The following SNCAIP variants were observed in gnomAD, a reference collection of about 807,000 sequenced individuals.
The protein encoded by SNCAIP is synphilin-1.
Under a neutral mutation model 86.7 loss-of-function variants are expected in SNCAIP, and 43 were observed. That is an observed-to-expected ratio of 0.50 (90% CI 0.39 to 0.64). The LOEUF is 0.64. Ranked by LOEUF, SNCAIP falls within the 30% of genes least tolerant of loss-of-function variation. SNCAIP has a pLI of 0.00. For missense variants in SNCAIP, 981 were observed against 1,103.1 expected (o/e 0.89, Z 1.57); for synonymous variants, 417 against 427.2 (o/e 0.98, Z 0.29).
chr5:122,384,958 A>C (rs1182277628), intron 1 of SNCAIP, among the ~76,000 whole-genome samples: 1 of 152,206 alleles, frequency 6.6e-6, no homozygotes, highest in African/African-American at 2.4e-5. Context: ...GTCTTTCTGG[A>C]CATTCTGTTC....
At chr5:122,356,310 G>T (rs919464993) in intron 1 of SNCAIP, among the ~76,000 whole-genome samples, 1 of 151,710 alleles carries the variant, frequency 6.6e-6, no homozygotes, top group African/African-American at 2.4e-5. Context: ...TAGTGACAAG[G>T]CCTCCCTACA....
At chr5:122,325,566 T>A (rs1753843097) in intron 1 of SNCAIP, among the ~76,000 whole-genome samples, 4 of 152,216 alleles carry the variant, frequency 2.6e-5, no homozygotes, top group Non-Finnish European at 5.9e-5. Flanking sequence ...ATGCCCTTTT[T>A]ACTAAACAAC....
intron 10 of SNCAIP, among the ~76,000 whole-genome samples, chr5:122,460,638 G>T (rs1425007697): frequency 1.3e-5 from 2 of 152,054 alleles, no homozygotes; most frequent in Non-Finnish European, 2.9e-5. Flanking sequence ...TCAGTATTCA[G>T]TGTTAATTAT....
chr5:122,332,246 C>G (rs1205755736), intron 1 of SNCAIP, among the ~76,000 whole-genome samples: 1 of 152,164 alleles, frequency 6.6e-6, no homozygotes, highest in Non-Finnish European at 1.5e-5. Context: ...CTTGCGTTTT[C>G]CCACTTAACA....
At chr5:122,377,629 G>C (rs1026544418) in intron 1 of SNCAIP, among the ~76,000 whole-genome samples, 3 of 151,636 alleles carry the variant, frequency 2.0e-5, no homozygotes, top group African/African-American at 4.8e-5. Context: ...ATGCTGGTGC[G>C]CTGCACCTAC....
intron 3 of SNCAIP, among the ~76,000 whole-genome samples, chr5:122,411,526 C>T (rs1774118243): frequency 6.6e-6 from 1 of 152,060 alleles, no homozygotes. Flanking sequence ...TCAGATCACC[C>T]CTTTTTATCC....
At chr5:122,361,364 C>G (rs762703695) in intron 1 of SNCAIP, among the ~76,000 whole-genome samples, 2 of 152,162 alleles carry the variant, frequency 1.3e-5, no homozygotes, top group Non-Finnish European at 2.9e-5. Context: ...CTCAGCATCA[C>G]TTTCTCTGAC....
At chr5:122,336,224 A>C (rs926476874) in intron 1 of SNCAIP, among the ~76,000 whole-genome samples, 5 of 152,186 alleles carry the variant, frequency 3.3e-5, no homozygotes, top group Admixed American at 3.3e-4. Context: ...GATACACAGA[A>C]TGAGACACTT....
At chr5:122,373,852 G>A (rs1764740492) in intron 1 of SNCAIP, among the ~76,000 whole-genome samples, 1 of 152,098 alleles carries the variant, frequency 6.6e-6, no homozygotes, top group Non-Finnish European at 1.5e-5. Flanking sequence ...CCACCCCTTG[G>A]GTGTAAATCC....
intron 1 of SNCAIP, among the ~76,000 whole-genome samples, chr5:122,374,904 A>G (rs1452293975): frequency 1.3e-5 from 2 of 152,128 alleles, no homozygotes; most frequent in African/African-American, 4.8e-5. Context: ...TTCCCCACAT[A>G]TTAGAAGTAT....
intron 2 of SNCAIP, among the ~76,000 whole-genome samples, chr5:122,396,654 A>G (rs1186726425): frequency 2.0e-5 from 3 of 152,202 alleles, no homozygotes; most frequent in Non-Finnish European, 4.4e-5. Context: ...CAGACTTGCT[A>G]TGCTCTCAAA....
Position 122,451,187 on chromosome 5 carries a change from G to T in SNCAIP, c.2340G>T (p.Gln780His). The T allele has an allele frequency of 6.2e-7, 1 of 1,614,116 alleles. No homozygotes were observed. The highest frequency in any genetic ancestry group is 8.5e-7 in the Non-Finnish European group (1 of 1,180,026). The change falls in exon 10 of 11, where the codon CAG (glutamine) becomes CAT (histidine). Residue 780 changes from glutamine (Q) to histidine (H), a missense_variant. Gln to His is a conservative substitution (Grantham distance 24). Transcript: ENST00000261368. Reference protein sequence around the residue: ...PPNQPSGDPQQPSPDSTAAQK... With the variant: ...PPNQPSGDPQHPSPDSTAAQK... ...ACCAGCCCTCTGGTGACCCTCAGCAGCCCAGCCCTGACAGTACTGCTGCCC... is the reference window on the plus strand; with the variant it reads ...ACCAGCCCTCTGGTGACCCTCAGCATCCCAGCCCTGACAGTACTGCTGCCC...
intron 1 of SNCAIP, among the ~76,000 whole-genome samples, chr5:122,360,485 C>A (rs978100611): frequency 2.0e-5 from 3 of 152,222 alleles, no homozygotes; most frequent in African/African-American, 7.2e-5. Flanking sequence ...ATAACCTCAT[C>A]AGCTTAAGAT....
intron 3 of SNCAIP, among the ~76,000 whole-genome samples, chr5:122,410,884 A>G (rs989229526): frequency 1.3e-5 from 2 of 152,344 alleles, no homozygotes; most frequent in Middle Eastern, 3.4e-3. Context: ...GCTTAAACAC[A>G]TCGCATCTTT....
intron 1 of SNCAIP, among the ~76,000 whole-genome samples, chr5:122,377,243 C>G (rs929764410): frequency 6.6e-6 from 1 of 152,118 alleles, no homozygotes; most frequent in African/African-American, 2.4e-5. Flanking sequence ...GGCTTCCTTT[C>G]TCTGTCTTGG....
chr5:122,444,230 C>T lies in SNCAIP; in HGVS notation c.1423-333C>T, dbSNP rs1021007738. On this transcript the variant is annotated intron_variant, in intron 7 of 10. Transcript: ENST00000261368. ...CAGTCTCCCCCTCTTACAGGCATCT[C>T]TGACTATGAGTGATTCTCTTGGAGC... The T allele has an allele frequency of 1.0e-5, 5 of 484,974 alleles. No homozygotes were observed. In the Admixed American group the frequency reaches 1.2e-4, roughly 11 times the overall value. The allele number at this position is 484,974 out of a possible 1,614,324, so 30.0% of individuals were successfully genotyped here. A position where few individuals can be genotyped will look rare whatever the true frequency, so the allele number is the denominator to read the frequency against.
At chr5:122,341,434 A>G (rs1428109997) in intron 1 of SNCAIP, among the ~76,000 whole-genome samples, 1 of 152,204 alleles carries the variant, frequency 6.6e-6, no homozygotes, top group Non-Finnish European at 1.5e-5. Context: ...TTCATTTTCT[A>G]TAGTTTTGTG....
chr5:122,413,488 C>A (rs551160670), intron 3 of SNCAIP, among the ~76,000 whole-genome samples: 1 of 152,166 alleles, frequency 6.6e-6, no homozygotes, highest in East Asian at 1.9e-4. Flanking sequence ...TATTCCAGTC[C>A]TCTCCTTATT....
chr5:122,372,681 G>A (rs930454078), intron 1 of SNCAIP, among the ~76,000 whole-genome samples: 4 of 152,114 alleles, frequency 2.6e-5, no homozygotes, highest in African/African-American at 7.2e-5. Context: ...CTGTAGGAAG[G>A]AAAGTCTCCC....
Sources: allele counts gnomAD v4.1 joint callset (sites outside exome capture counted in the v4.1 genomes callset), GRCh38; gene constraint gnomAD v4.1.1; transcripts MANE v1.5; gene names NCBI Gene and HGNC (gene_info 2026-07-23, HGNC 2026-07-21).